Variants in EPS8 observed in about 807,000 individuals in gnomAD.
EPS8 encodes the protein epidermal growth factor receptor kinase substrate 8.
Under a neutral mutation model 103.8 loss-of-function variants are expected in EPS8, and 42 were observed. The ratio of observed to expected loss-of-function variants is 0.40; its 90% CI spans 0.32 to 0.52. The LOEUF (loss-of-function observed/expected upper bound fraction) is 0.52. Ranked by LOEUF, EPS8 falls within the 20% of genes least tolerant of loss-of-function variation. The probability of loss-of-function intolerance (pLI) is 0.40; values close to 1 mark genes in which losing one functional copy is unlikely to be tolerated. For synonymous variants in EPS8, 344 were observed against 344.6 expected (o/e 1.00, Z 0.02); for missense variants, 969 against 1,005.1 (o/e 0.96, Z 0.49).
chr12:15,718,711 A>G (rs1405865972), intron 1 of EPS8, among the ~76,000 whole-genome samples: 1 of 152,174 alleles, frequency 6.6e-6, no homozygotes, highest in East Asian at 1.9e-4. Flanking sequence ...GTGAATGTAT[A>G]TCAAAAGAAT....
At chr12:15,737,046 G>C (rs1391848621) in intron 1 of EPS8, among the ~76,000 whole-genome samples, 1 of 152,144 alleles carries the variant, frequency 6.6e-6, no homozygotes, top group African/African-American at 2.4e-5. Flanking sequence ...CCTGATAAAT[G>C]AGATGTTAGT....
chr12:15,745,197 A>C lies in EPS8; in HGVS notation c.-22+43964T>G, dbSNP rs1002755587. 1.3e-5 allele frequency among the ~76,000 whole-genome samples: 2 copies of C among 152,158 alleles called. No homozygotes were observed. The highest frequency in any genetic ancestry group is 2.9e-5 in the Non-Finnish European group (2 of 68,036). ...ATTTTTAACATTATTTGTAAAGAAA[A>C]ACTCTACCTGTTTCAAAGAAATGAG... On this transcript the variant is annotated intron_variant, in intron 1 of 20. Transcript: ENST00000281172. The surrounding 1 kb of genome is among the most constrained non-coding windows in gnomAD (Gnocchi z 4.6).
chr12:15,709,202 A>G (rs560290191), intron 1 of EPS8, among the ~76,000 whole-genome samples: 1 of 152,374 alleles, frequency 6.6e-6, no homozygotes, highest in East Asian at 1.9e-4. Flanking sequence ...TCATAGTAAG[A>G]GATAGACTTT....
chr12:15,678,956 G>C (rs1945957746), intron 3 of EPS8, among the ~76,000 whole-genome samples: 1 of 146,660 alleles, frequency 6.8e-6, no homozygotes, highest in Non-Finnish European at 1.5e-5. Flanking sequence ...TTCATTCCTT[G>C]GATCTAAGAT....
chr12:15,744,517 T>C (rs1946856410), intron 1 of EPS8, among the ~76,000 whole-genome samples: 1 of 152,240 alleles, frequency 6.6e-6, no homozygotes, highest in Non-Finnish European at 1.5e-5. Flanking sequence ...AGAAGGATTC[T>C]CATGACTCTT....
rs905280091 is a variant in EPS8, at chr12:15,725,482, A to T, written c.-21-42510T>A. On this transcript the variant is annotated intron_variant, in intron 1 of 20. Transcript: ENST00000281172. The surrounding 1 kb of genome is among the most constrained non-coding windows in gnomAD (Gnocchi z 4.5). ...AAAAAGGAAAAAAACTAAAAAAAAAAAAAAAATCTGCATGGGTGTGCACAT... is the reference window on the plus strand; with the variant it reads ...AAAAAGGAAAAAAACTAAAAAAAAATAAAAAATCTGCATGGGTGTGCACAT... 6.6e-6 allele frequency among the ~76,000 whole-genome samples: 1 copy of T among 152,116 alleles called. No homozygotes were observed. Among genetic ancestry groups the T allele is most frequent in the African/African-American group, 2.4e-5 (1 of 41,420 alleles).
chr12:15,760,634 A>C lies in EPS8; in HGVS notation c.-22+28527T>G, dbSNP rs1241251589. ...GTGGGATAAATCCCACCAATACAAG[A>C]ATGGTTCAACATAAACAAATCCATC... On this transcript the variant is annotated intron_variant, in intron 1 of 20. Coordinates refer to ENST00000281172, the MANE Select transcript of EPS8 (RefSeq NM_004447.6). The surrounding 1 kb of genome is among the most constrained non-coding windows in gnomAD (Gnocchi z 4.5). Among the ~76,000 whole-genome samples the C allele has an allele frequency of 6.6e-6, 1 of 152,086 alleles. No individual in the cohort carries two copies. Among genetic ancestry groups the C allele is most frequent in the Non-Finnish European group, 1.5e-5 (1 of 67,932 alleles).
In EPS8 at chr12:15,721,501, G is replaced by T. The variant is rs1946595148; in HGVS notation, c.-21-38529C>A. Among the ~76,000 whole-genome samples, 1 of 152,118 alleles carries T rather than the reference G, an allele frequency of 6.6e-6. No individual in the cohort carries two copies. The highest frequency in any genetic ancestry group is 6.5e-5 in the Admixed American group (1 of 15,270). ...AAAAGTAATCGTCTGGAAGCAGCCG[G>T]TTCTGTGAACCAATAGATAAAAAAT... On this transcript the variant is annotated intron_variant, in intron 1 of 20. Transcript: ENST00000281172. This position sits in a 1 kb window ranked among gnomAD's most constrained non-coding sequence, Gnocchi z 4.4.
In EPS8 at chr12:15,721,670, G is replaced by A. The variant is rs906502987; in HGVS notation, c.-21-38698C>T. 3.9e-5 allele frequency among the ~76,000 whole-genome samples: 6 copies of A among 151,992 alleles called. No homozygotes were observed. The highest frequency in any genetic ancestry group is 6.6e-5 in the Admixed American group (1 of 15,244). On this transcript the variant is annotated intron_variant, in intron 1 of 20. Transcript: ENST00000281172. This position sits in a 1 kb window ranked among gnomAD's most constrained non-coding sequence, Gnocchi z 4.4. Reference sequence around the variant, plus strand: ...ACAATCTTGTTTGCCTTTGTCTTGCGCATCAAGTTAAAAGGATTTTCCTGA... The same window carrying A: ...ACAATCTTGTTTGCCTTTGTCTTGCACATCAAGTTAAAAGGATTTTCCTGA...
Position 15,714,242 on chromosome 12 carries a change from A to G in EPS8, c.-21-31270T>C, listed in dbSNP as rs1946503073. ...ATTTTTAATATGAAGACACCAAAAAAGTATATTTAAATTATTAAAGAAATG... is the reference window on the plus strand; with the variant it reads ...ATTTTTAATATGAAGACACCAAAAAGGTATATTTAAATTATTAAAGAAATG... On this transcript the variant is annotated intron_variant, in intron 1 of 20. Transcript: ENST00000281172. This position sits in a 1 kb window ranked among gnomAD's most constrained non-coding sequence, Gnocchi z 4.1. Among the ~76,000 whole-genome samples the G allele has an allele frequency of 6.6e-6, 1 of 152,154 alleles. No homozygotes were observed. Among genetic ancestry groups the G allele is most frequent in the South Asian group, 2.1e-4 (1 of 4,832 alleles).
chr12:15,621,597 T>C (rs1455786549), intron 20 of EPS8, among the ~76,000 whole-genome samples, 167 bp from the exon 21 acceptor site: 1 of 152,198 alleles, frequency 6.6e-6, no homozygotes, highest in Non-Finnish European at 1.5e-5. Context: ...CACTAATATA[T>C]CACATTAATA....
chr12:15,639,510 CAT>C (rs1296887639), intron 17 of EPS8, among the ~76,000 whole-genome samples: 1 of 152,082 alleles, frequency 6.6e-6, no homozygotes, highest in Non-Finnish European at 1.5e-5. Flanking sequence ...TATATATGCA[CAT>C]GAGGCCAGCC....
At chr12:15,786,534 C>T (rs1215318115) in intron 1 of EPS8, among the ~76,000 whole-genome samples, 1 of 152,020 alleles carries the variant, frequency 6.6e-6, no homozygotes, top group East Asian at 1.9e-4. Flanking sequence ...TACTAATGTA[C>T]TGATACTGGT....
At position 15,734,130 on chromosome 12, in the gene EPS8, C is replaced by G. The variant is rs561791809; in HGVS notation, c.-21-51158G>C. On this transcript the variant is annotated intron_variant, in intron 1 of 20. Transcript: ENST00000281172. This position sits in a 1 kb window ranked among gnomAD's most constrained non-coding sequence, Gnocchi z 4.1. Reference sequence around the variant, plus strand: ...TTCTGGGATTACAGGACTGAGTCATCATGCCTGGCCAGAAAATTCATTTTT... The same window carrying G: ...TTCTGGGATTACAGGACTGAGTCATGATGCCTGGCCAGAAAATTCATTTTT... 6.6e-6 allele frequency among the ~76,000 whole-genome samples: 1 copy of G among 152,176 alleles called. No homozygotes were observed. Among genetic ancestry groups the G allele is most frequent in the Non-Finnish European group, 1.5e-5 (1 of 68,032 alleles).
rs1485005105 is a variant in EPS8, at chr12:15,785,343, G to T, written c.-22+3818C>A. Among the ~76,000 whole-genome samples, 1 of 152,074 alleles carries T rather than the reference G, an allele frequency of 6.6e-6. No homozygotes were observed. The highest frequency in any genetic ancestry group is 1.5e-5 in the Non-Finnish European group (1 of 67,936). On this transcript the variant is annotated intron_variant, in intron 1 of 20. Transcript: ENST00000281172. The surrounding 1 kb of genome is among the most constrained non-coding windows in gnomAD (Gnocchi z 4.9). ...TAAAGTTGTTTCCCATGGGAGCACA[G>T]GTTAACAATTCCAATGCTGCTATAC...
intron 9 of EPS8, among the ~76,000 whole-genome samples, chr12:15,661,714 C>T (rs146310960): frequency 7.2e-5 from 11 of 152,222 alleles, no homozygotes; most frequent in Non-Finnish European, 1.2e-4. Context: ...TTATGAATTA[C>T]AAACGATAAT....
chr12:15,760,345 A>G lies in EPS8; in HGVS notation c.-22+28816T>C, dbSNP rs777847367. ...CAGTAAAATAAAAGCCCAAGACCCA[A>G]TGGCTTCACTGCTAAATTCTACAAA... On this transcript the variant is annotated intron_variant, in intron 1 of 20. Transcript: ENST00000281172. This position sits in a 1 kb window ranked among gnomAD's most constrained non-coding sequence, Gnocchi z 4.5. Among the ~76,000 whole-genome samples the G allele has an allele frequency of 6.6e-6, 1 of 152,236 alleles. No homozygotes were observed. Among genetic ancestry groups the G allele is most frequent in the Non-Finnish European group, 1.5e-5 (1 of 67,962 alleles).
At chr12:15,625,947 C>T (rs979507325) in intron 18 of EPS8, among the ~76,000 whole-genome samples, 2 of 152,176 alleles carry the variant, frequency 1.3e-5, no homozygotes, top group African/African-American at 4.8e-5. Flanking sequence ...TTGATATATT[C>T]ATTTGGGTAT....
intron 1 of EPS8, among the ~76,000 whole-genome samples, chr12:15,691,110 G>A (rs538342115): frequency 1.7e-4 from 26 of 151,484 alleles, no homozygotes; most frequent in Non-Finnish European, 3.1e-4. Flanking sequence ...GAAATTTTAG[G>A]GGAAAGAAAA....
Sources: allele counts gnomAD v4.1 joint callset (sites outside exome capture counted in the v4.1 genomes callset), GRCh38; gene constraint gnomAD v4.1.1; non-coding constraint Gnocchi (gnomAD v3.1); transcripts MANE v1.5; gene names NCBI Gene and HGNC (gene_info 2026-07-23, HGNC 2026-07-21).